Variants in PTPRN2 observed in about 807,000 individuals in gnomAD.
The protein encoded by PTPRN2 is protein tyrosine phosphatase receptor type N2.
Under a neutral mutation model 118.8 loss-of-function variants are expected in PTPRN2, and 74 were observed. The observed-to-expected ratio is 0.62, with a 90% CI of 0.52 to 0.76. The LOEUF is 0.76. PTPRN2 is among the 30% of genes least tolerant of loss of function. The pLI, the probability that PTPRN2 is intolerant of heterozygous loss-of-function variation, is 0.00. For missense variants in PTPRN2, 1,481 were observed against 1,394.4 expected (o/e 1.06, Z -0.99); for synonymous variants, 641 against 608.0 (o/e 1.05, Z -0.80).
intron 5 of PTPRN2, among the ~76,000 whole-genome samples, chr7:158,175,170 A>G (rs1464916099): frequency 6.6e-6 from 1 of 152,222 alleles, no homozygotes; most frequent in Non-Finnish European, 1.5e-5. Flanking sequence ...TTTTGACCAC[A>G]TAACACACGT....
chr7:157,742,092 A>G (rs950878193), intron 12 of PTPRN2, among the ~76,000 whole-genome samples: 3 of 152,238 alleles, frequency 2.0e-5, no homozygotes, highest in Non-Finnish European at 4.4e-5. Flanking sequence ...GTATCTCTCT[A>G]CGGTGACTGA....
At chr7:157,626,965 A>T (rs1803621256) in intron 14 of PTPRN2, among the ~76,000 whole-genome samples, 1 of 152,236 alleles carries the variant, frequency 6.6e-6, no homozygotes, top group African/African-American at 2.4e-5. Context: ...GTGTCAGCTC[A>T]TTGAGTGTTC....
At chr7:158,159,767 A>G (rs1822193409) in intron 6 of PTPRN2, among the ~76,000 whole-genome samples, 1 of 152,252 alleles carries the variant, frequency 6.6e-6, no homozygotes, top group African/African-American at 2.4e-5. Context: ...ATGGCATTAC[A>G]CAAGTACCGT....
intron 17 of PTPRN2, among the ~76,000 whole-genome samples, chr7:157,588,764 T>C (rs1800818772): frequency 6.6e-6 from 1 of 152,174 alleles, no homozygotes; most frequent in Non-Finnish European, 1.5e-5. Flanking sequence ...CGTCTTCATG[T>C]CACTGTGCCT....
Position 158,167,061 on chromosome 7 carries a change from C to G in PTPRN2, c.780G>C (p.Glu260Asp). 1 of 1,586,066 alleles carries G rather than the reference C, an allele frequency of 6.3e-7. No homozygotes were observed. The highest frequency in any genetic ancestry group is 8.6e-7 in the Non-Finnish European group (1 of 1,164,956). Reference protein sequence around the residue: ...AAQRPPAPPGEGSLEPQYLLR... With the variant: ...AAQRPPAPPGDGSLEPQYLLR... ...GAAGGTACTGTGGCTCCAGGCTGCC[C>G]TCCCCGGGGGGAGCTGGGGGCCTCT... Residue 260 changes from glutamate (E) to aspartate (D), a missense_variant, in exon 6 of 23, where the codon GAG (glutamate) becomes GAC (aspartate). This residue lies in a region of PTPRN2 where 1,115 missense variants were observed against 994.2 expected (regional missense o/e 1.12). Coordinates refer to ENST00000389418, the MANE Select transcript of PTPRN2 (RefSeq NM_002847.5).
At chr7:157,631,971 T>C (rs1416715256) in intron 14 of PTPRN2, among the ~76,000 whole-genome samples, 2 of 152,184 alleles carry the variant, frequency 1.3e-5, no homozygotes, top group Admixed American at 6.5e-5. Context: ...CACTGGGACA[T>C]GATCACAGAC....
intron 6 of PTPRN2, among the ~76,000 whole-genome samples, chr7:158,155,188 C>T (rs1288429939): frequency 2.0e-5 from 3 of 152,196 alleles, no homozygotes; most frequent in East Asian, 3.8e-4. Context: ...GCTCACATGA[C>T]TCTGCATTCT....
intron 11 of PTPRN2, among the ~76,000 whole-genome samples, chr7:157,900,776 T>G (rs1797394255): frequency 6.6e-6 from 1 of 152,212 alleles, no homozygotes; most frequent in African/African-American, 2.4e-5. Flanking sequence ...GTGTGCAGGC[T>G]GCCTGTCCCC....
intron 11 of PTPRN2, among the ~76,000 whole-genome samples, chr7:157,938,693 A>T (rs777687150): frequency 3.9e-5 from 6 of 152,258 alleles, no homozygotes; most frequent in Non-Finnish European, 8.8e-5. Flanking sequence ...AGATTTGAGG[A>T]AGCTCTTTTC....
chr7:158,163,421 C>T (rs1327490501), intron 6 of PTPRN2, among the ~76,000 whole-genome samples: 1 of 149,844 alleles, frequency 6.7e-6, no homozygotes, highest in Non-Finnish European at 1.5e-5. Context: ...TCAATATTCT[C>T]TGCGTGTTTC....
At chr7:158,404,166 G>A (rs1813170568) in intron 2 of PTPRN2, among the ~76,000 whole-genome samples, 1 of 152,206 alleles carries the variant, frequency 6.6e-6, no homozygotes, top group African/African-American at 2.4e-5. Context: ...AGGACACACT[G>A]TGGCCCCAAG....
At chr7:158,138,838 C>T (rs1425471927) in intron 6 of PTPRN2, among the ~76,000 whole-genome samples, 3 of 152,198 alleles carry the variant, frequency 2.0e-5, no homozygotes, top group Admixed American at 6.5e-5. Flanking sequence ...GAGAGATGGG[C>T]TAGGCAACTT....
At chr7:157,963,310 C>T (rs991417425) in intron 11 of PTPRN2, among the ~76,000 whole-genome samples, 6 of 152,154 alleles carry the variant, frequency 3.9e-5, no homozygotes, top group African/African-American at 1.4e-4. Context: ...AACTTTGTTG[C>T]CTGGAAAAAA....
chr7:158,072,462 G>A (rs1021871794), intron 11 of PTPRN2, among the ~76,000 whole-genome samples: 2 of 152,152 alleles, frequency 1.3e-5, no homozygotes, highest in African/African-American at 4.8e-5. Context: ...GGCAGGTGTT[G>A]ACCAGGTAAG....
rs965771429 is a variant in PTPRN2, at chr7:158,165,902, C to T, written c.910+1029G>A. 1.3e-4 allele frequency among the ~76,000 whole-genome samples: 20 copies of T among 152,222 alleles called. No individual in the cohort carries two copies. The East Asian group carries it at 3.3e-3, about 25-fold the overall frequency. On this transcript the variant is annotated intron_variant, in intron 6 of 22. Transcript: ENST00000389418. ...CACGGTCTTGGCAGAGCAGTCACCT[C>T]GAGGCCGACACTGTTCAGCTAGTGC...
chr7:158,467,964 C>T (rs1317388747), intron 2 of PTPRN2, among the ~76,000 whole-genome samples: 2 of 152,244 alleles, frequency 1.3e-5, no homozygotes, highest in East Asian at 1.9e-4. Context: ...TGCTACTTTA[C>T]AGTAGCTAGT....
chr7:158,077,255 CACAG>C (rs747156627), intron 11 of PTPRN2, among the ~76,000 whole-genome samples: 2 of 152,166 alleles, frequency 1.3e-5, no homozygotes, highest in Non-Finnish European at 2.9e-5. Context: ...AGACGTGAAA[CACAG>C]ACAGCAGCAC....
intron 12 of PTPRN2, among the ~76,000 whole-genome samples, chr7:157,824,337 G>A (rs566374234): frequency 6.6e-6 from 1 of 152,348 alleles, no homozygotes; most frequent in African/African-American, 2.4e-5. Context: ...CCACAAGAGG[G>A]CCTTCCCCTT....
Position 158,020,280 on chromosome 7 carries a change from A to G in PTPRN2, c.1723+61018T>C, listed in dbSNP as rs559585585. Among the ~76,000 whole-genome samples, 23 of 152,330 alleles carry G rather than the reference A, an allele frequency of 1.5e-4. No homozygotes were observed. In the East Asian group the frequency reaches 3.5e-3, roughly 23 times the overall value. ...CCAACACTACACATACATGAGCTCC[A>G]GGGAGGGTGGCCTTGTGCAGCCATC... is the stretch of plus-strand genomic sequence containing the variant. On this transcript the variant is annotated intron_variant, in intron 11 of 22. Transcript: ENST00000389418.
Sources: gnomAD v4.1 joint callset for allele counts (sites outside exome capture counted in the v4.1 genomes callset) on GRCh38, gnomAD v4.1.1 for gene constraint, gnomAD v4.1.1 regional missense constraint, MANE v1.5 for transcripts, NCBI Gene and HGNC (gene_info 2026-07-23, HGNC 2026-07-21) for gene names.